SLC25A18: variants seen among roughly 807,000 people sequenced by gnomAD.
SLC25A18 encodes solute carrier family 25 member 18.
In SLC25A18, 24 loss-of-function variants were observed where a neutral mutation model predicts 31.1. The observed-to-expected ratio is 0.77, with a 90% CI of 0.56 to 1.08. The LOEUF (loss-of-function observed/expected upper bound fraction) is 1.08, where lower values mean the gene tolerates loss of function less well. Among genes scored for constraint, SLC25A18 ranks in the 50% least tolerant of loss-of-function variants. The pLI is 0.00. For synonymous variants in SLC25A18, 173 were observed against 161.9 expected, an observed-to-expected ratio of 1.07 and a Z score of -0.52; for missense variants, 371 against 418.5, an observed-to-expected ratio of 0.89 and a Z score of 0.99.
Position 17,579,829 on chromosome 22 carries a change from A to T in SLC25A18, c.-116A>T, listed in dbSNP as rs5992747. The T allele has an allele frequency of 6.0e-6, 9 of 1,499,118 alleles. No individual in the cohort carries two copies. In the African/African-American group the frequency reaches 1.2e-4, roughly 21 times the overall value. 92.9% of individuals were successfully genotyped at this position (1,499,118 alleles called of 1,614,324 possible). A position where few individuals can be genotyped will look rare whatever the true frequency, so the allele number is the denominator to read the frequency against. On this transcript the variant is annotated 5_prime_UTR_variant, in exon 3 of 11. Coordinates refer to ENST00000327451, the MANE Select transcript of SLC25A18 (RefSeq NM_031481.3). The stretch of plus-strand genomic sequence containing the variant: ...TGCACTCAAAACCCGTGCTCTGTCC[A>T]CACTGCTACGGGGCCAGAGCCAAGG...
intron 2 of SLC25A18, among the ~76,000 whole-genome samples, chr22:17,575,963 G>T (rs1392345173): frequency 6.6e-6 from 1 of 152,118 alleles, no homozygotes; most frequent in Non-Finnish European, 1.5e-5. Flanking sequence ...TGTTTCCAAA[G>T]AGTTCCAGAT....
At chr22:17,589,043 CA>C (rs113127772) in intron 9 of SLC25A18, 14,564 of 152,184 alleles carry the variant, frequency 0.096, 1,023 homozygotes, top group African/African-American at 0.19. Context: ...GCCTGGGCAA[CA>C]GAGCGAGACC....
intron 8 of SLC25A18, among the ~76,000 whole-genome samples, 163 bp downstream of exon 8, chr22:17,587,464 G>A (rs762048300): frequency 2.0e-5 from 3 of 152,182 alleles, no homozygotes; most frequent in African/African-American, 4.8e-5. Context: ...GGCCAGGGTG[G>A]CACAGAATGG....
intron 2 of SLC25A18, among the ~76,000 whole-genome samples, chr22:17,572,990 G>C (rs1472806089): frequency 6.6e-6 from 1 of 152,088 alleles, no homozygotes; most frequent in Non-Finnish European, 1.5e-5. Flanking sequence ...GTGCACACCT[G>C]TAGTCTCAAC....
At chr22:17,574,055 C>A (rs2057165177) in intron 2 of SLC25A18, among the ~76,000 whole-genome samples, 1 of 152,166 alleles carries the variant, frequency 6.6e-6, no homozygotes, top group Admixed American at 6.5e-5. Flanking sequence ...CATGGCAAAA[C>A]CCATCTCTAC....
In SLC25A18 at chr22:17,590,245, G is replaced by A. The variant is rs1347952222; in HGVS notation, c.*9G>A. 6.2e-7 allele frequency: 1 copy of A among 1,614,184 alleles called. No homozygotes were observed. The highest frequency in any genetic ancestry group is 1.7e-5 in the Admixed American group (1 of 60,028). On this transcript the variant is annotated 3_prime_UTR_variant, in exon 11 of 11. Transcript: ENST00000327451. Reference sequence around the variant, plus strand: ...TAAAGTGTTTTGACTAGACAGAGCTGGAGGTCAAGTCCCTGCGCTTGCCGC... The same window carrying A: ...TAAAGTGTTTTGACTAGACAGAGCTAGAGGTCAAGTCCCTGCGCTTGCCGC...
At chr22:17,584,097 A>T in intron 7 of SLC25A18, 1 of 984,816 alleles carries the variant, frequency 1.0e-6, no homozygotes, top group Non-Finnish European at 1.2e-6. Context: ...TCTCCTAAAG[A>T]TTTTAAGAAA....
At chr22:17,575,127 C>G (rs1363841244) in intron 2 of SLC25A18, among the ~76,000 whole-genome samples, 1 of 152,124 alleles carries the variant, frequency 6.6e-6, no homozygotes, top group Non-Finnish European at 1.5e-5. Flanking sequence ...GCTGGGATTA[C>G]AGGTGTGAGC....
At chr22:17,578,264 C>T (rs113305277) in intron 2 of SLC25A18, among the ~76,000 whole-genome samples, 6,155 of 152,280 alleles carry the variant, frequency 0.04, 431 homozygotes, top group African/African-American at 0.14. Flanking sequence ...AGCCACTGTT[C>T]CCGGCCAAAC....
intron 1 of SLC25A18, chr22:17,569,450 G>A (rs968437431): frequency 2.1e-5 from 5 of 232,944 alleles, no homozygotes; most frequent in Non-Finnish European, 3.5e-5. Context: ...CTGCAGGGAG[G>A]ATGCCTCCCA....
rs777636726 is a variant in SLC25A18 at position 17,582,668 on chromosome 22, G to A, written c.290+15G>A. The A allele has an allele frequency of 3.0e-5, 47 of 1,588,728 alleles. No homozygotes were observed. The highest frequency in any genetic ancestry group is 3.4e-4 in the Middle Eastern group (2 of 5,958). On this transcript the variant is annotated intron_variant, in intron 6 of 10. Transcript: ENST00000327451. ...ATGGAAGATGGGTATGGCCAGGTGG[G>A]GTGGGGTTGGATCCTTCACTGTGTG...
chr22:17,580,138 G>C (rs777823412), intron 3 of SLC25A18, 174 bp downstream of exon 3: 92 of 587,882 alleles, frequency 1.6e-4, no homozygotes, highest in Admixed American at 6.2e-5. Context: ...GTACACACAA[G>C]CATCTGTGCA....
intron 1 of SLC25A18, 123 bp downstream of exon 1, chr22:17,563,836 A>T: frequency 1.9e-6 from 1 of 513,404 alleles, no homozygotes; most frequent in Non-Finnish European, 2.5e-6. Flanking sequence ...TGAATACAGA[A>T]TACAGAAAAA....
At chr22:17,566,784 C>G (rs2056948360) in intron 1 of SLC25A18, among the ~76,000 whole-genome samples, 1 of 152,158 alleles carries the variant, frequency 6.6e-6, no homozygotes, top group Non-Finnish European at 1.5e-5. Flanking sequence ...TTGGCACTGC[C>G]AGAGACCTGA....
At chr22:17,582,726 A>G in intron 6 of SLC25A18, 73 bp downstream of exon 6, 1 of 1,360,192 alleles carries the variant, frequency 7.4e-7, no homozygotes. Flanking sequence ...AGAAGATTTC[A>G]AATGTGCCTC....
intron 2 of SLC25A18, among the ~76,000 whole-genome samples, chr22:17,577,131 T>A (rs1335661711): frequency 1.3e-5 from 2 of 152,140 alleles, no homozygotes; most frequent in African/African-American, 4.8e-5. Context: ...CACGCCATTC[T>A]CCTACCTCAG....
chr22:17,587,453 T>C, intron 8 of SLC25A18, 152 bp downstream of exon 8: 3 of 1,053,168 alleles, frequency 2.8e-6, no homozygotes, highest in East Asian at 2.6e-5. Context: ...TGTCTGGAAC[T>C]GGCCAGGGTG....
At chr22:17,581,253 G>C in intron 4 of SLC25A18, 94 bp downstream of exon 4, 2 of 1,579,968 alleles carry the variant, frequency 1.3e-6, no homozygotes, top group African/African-American at 1.3e-5. Flanking sequence ...GCGTGAGCCT[G>C]GGGGCTGGGG....
intron 8 of SLC25A18, 117 bp from the exon 9 acceptor site, chr22:17,587,808 G>A (rs886353209): frequency 3.9e-6 from 5 of 1,270,236 alleles, no homozygotes; most frequent in Admixed American, 2.1e-5. Flanking sequence ...GAAGGGATGA[G>A]TCCCCGTGGC....
Sources: allele counts gnomAD v4.1 joint callset (sites outside exome capture counted in the v4.1 genomes callset), GRCh38; gene constraint gnomAD v4.1.1; transcripts MANE v1.5; gene names NCBI Gene and HGNC (gene_info 2026-07-23, HGNC 2026-07-21).